NCEH1: variants seen among roughly 807,000 people sequenced by gnomAD.
The protein encoded by NCEH1 is neutral cholesterol ester hydrolase 1.
Under a neutral mutation model 25.4 loss-of-function variants are expected in NCEH1, and 9 were observed. The ratio of observed to expected loss-of-function variants is 0.35; its 90% confidence interval spans 0.21 to 0.62. The LOEUF is 0.62. NCEH1 is among the 20% of genes least tolerant of loss of function. The pLI is 0.72. For synonymous variants in NCEH1, 200 were observed against 199.8 expected, an observed-to-expected ratio of 1.00 and a Z score of -0.01; for missense variants, 412 against 501.1, an observed-to-expected ratio of 0.82 and a Z score of 1.70.
intron 1 of NCEH1, among the ~76,000 whole-genome samples, chr3:172,703,870 T>G (rs986293050): frequency 2.6e-5 from 4 of 152,226 alleles, no homozygotes; most frequent in Middle Eastern, 3.2e-3. Flanking sequence ...CTGTCAGAAC[T>G]AACACTGATT....
chr3:172,669,449 GA>G (rs1718382182), intron 1 of NCEH1, among the ~76,000 whole-genome samples: 1 of 152,182 alleles, frequency 6.6e-6, no homozygotes, highest in African/African-American at 2.4e-5. Flanking sequence ...AACTTATTAG[GA>G]AACTAGAAGG....
intron 1 of NCEH1, among the ~76,000 whole-genome samples, chr3:172,698,574 T>C (rs1008548946): frequency 6.6e-6 from 1 of 152,188 alleles, no homozygotes; most frequent in Non-Finnish European, 1.5e-5. Context: ...CAATCTCTCA[T>C]GGGGTATTTA....
chr3:172,651,030 G>A (rs1717382668), intron 1 of NCEH1, among the ~76,000 whole-genome samples: 1 of 152,120 alleles, frequency 6.6e-6, no homozygotes, highest in South Asian at 2.1e-4. Context: ...GTAACCTGTT[G>A]TTAATTACTT....
intron 1 of NCEH1, among the ~76,000 whole-genome samples, chr3:172,653,891 G>C (rs1391472584): frequency 6.6e-6 from 1 of 151,634 alleles, no homozygotes; most frequent in Non-Finnish European, 1.5e-5. Flanking sequence ...TGAGTAGCTG[G>C]GATTACAGGC....
intron 2 of NCEH1, 134 bp downstream of exon 2, chr3:172,647,752 G>T: frequency 8.1e-7 from 1 of 1,232,108 alleles, no homozygotes. Flanking sequence ...TGGGACAACA[G>T]GGGTAACTGG....
chr3:172,686,810 C>G (rs1329249927), intron 1 of NCEH1, among the ~76,000 whole-genome samples: 1 of 152,172 alleles, frequency 6.6e-6, no homozygotes, highest in Non-Finnish European at 1.5e-5. Flanking sequence ...CTCACTTTTC[C>G]TATTGTCTTT....
intron 1 of NCEH1, among the ~76,000 whole-genome samples, chr3:172,667,969 A>T (rs967137927): frequency 1.2e-4 from 19 of 152,164 alleles, no homozygotes; most frequent in Admixed American, 6.6e-5. Flanking sequence ...GATCCCCCTT[A>T]TTTGGGCCCC....
rs559318428 is a variant in NCEH1, at chr3:172,694,575, T to C, written c.138+16272A>G. Among the ~76,000 whole-genome samples the C allele has an allele frequency of 3.3e-5, 5 of 152,178 alleles. No homozygotes were observed. In the East Asian group the frequency reaches 7.7e-4, roughly 23 times the overall value. ...GTCAAAACATCAGTTTTGGAGGACA[T>C]CCTTGACATCACTCCAACAGACAGG... On this transcript the variant is annotated intron_variant, in intron 1 of 4. Coordinates refer to ENST00000475381, the MANE Select transcript of NCEH1 (RefSeq NM_020792.6).
At chr3:172,688,374 G>A (rs1042014618) in intron 1 of NCEH1, among the ~76,000 whole-genome samples, 6 of 149,828 alleles carry the variant, frequency 4.0e-5, no homozygotes, top group South Asian at 4.2e-4. Flanking sequence ...TGGAGATTAC[G>A]GAGACTCTAA....
At position 172,630,857 on chromosome 3, in the gene NCEH1, AAT is replaced by A. The variant is rs1335444166; in HGVS notation, c.*2616_*2617del. 1.3e-5 allele frequency: 2 copies of A among 152,216 alleles called. No homozygotes were observed. Among genetic ancestry groups the A allele is most frequent in the African/African-American group, 4.8e-5 (2 of 41,466 alleles). The allele number at this position is 152,216 out of a possible 1,614,324, so 9.4% of individuals were successfully genotyped here. On this transcript the variant is annotated 3_prime_UTR_variant, in exon 5 of 5. Transcript: ENST00000475381. ...AATAGATCCACCAAGATAATTATAT[AAT>A]AGTCTTAAATTCTTCACAAATCAAT...
intron 1 of NCEH1, among the ~76,000 whole-genome samples, chr3:172,657,887 C>G (rs1428903732): frequency 2.6e-5 from 4 of 152,184 alleles, no homozygotes; most frequent in Non-Finnish European, 4.4e-5. Context: ...CCAGCTCTTG[C>G]TGGGTCTCAC....
In NCEH1 at chr3:172,633,669, A is replaced by T. The variant is rs771419200; in HGVS notation, c.1033T>A (p.Cys345Ser). ...TCGTCTCTGAGGACATCATGCTCACACGTCAGAATGTAGGTCTTTGGGAGG... is the reference window on the plus strand; with the variant it reads ...TCGTCTCTGAGGACATCATGCTCACTCGTCAGAATGTAGGTCTTTGGGAGG... ...QLLPKTYILTCEHDVLRDDGI... is the reference protein window; with the variant it reads ...QLLPKTYILTSEHDVLRDDGI... Residue 345 changes from cysteine (C) to serine (S), a missense_variant, in exon 5 of 5, where the codon TGT becomes AGT. Cys to Ser is a moderately radical substitution (Grantham distance 112). Around this residue, in one of 3 missense-constraint regions of NCEH1, gnomAD observed 210 missense variants for 258.2 expected, o/e 0.81. Transcript: ENST00000475381. The T allele has an allele frequency of 1.2e-6, 2 of 1,614,180 alleles. No homozygotes were observed. Among genetic ancestry groups the T allele is most frequent in the Non-Finnish European group, 1.7e-6 (2 of 1,180,018 alleles).
At chr3:172,689,427 A>G (rs907890743) in intron 1 of NCEH1, among the ~76,000 whole-genome samples, 1 of 151,334 alleles carries the variant, frequency 6.6e-6, no homozygotes, top group Non-Finnish European at 1.5e-5. Flanking sequence ...TTGTAGTTTT[A>G]GTAGAGACAG....
chr3:172,647,483 A>G (rs1311138701), intron 2 of NCEH1, among the ~76,000 whole-genome samples: 3 of 152,240 alleles, frequency 2.0e-5, no homozygotes, highest in Admixed American at 6.5e-5. Context: ...TCAAAACACA[A>G]GTTGGCAAAA....
intron 4 of NCEH1, 112 bp from the exon 5 acceptor site, chr3:172,634,204 G>T: frequency 9.8e-7 from 1 of 1,023,226 alleles, no homozygotes; most frequent in South Asian, 1.6e-5. Flanking sequence ...TGGTATAAGT[G>T]TTACATTTCT....
chr3:172,640,487 GC>G (rs772177257), intron 3 of NCEH1, among the ~76,000 whole-genome samples: 2 of 151,800 alleles, frequency 1.3e-5, no homozygotes, highest in East Asian at 3.9e-4. Context: ...TTTCTTCCCT[GC>G]CCCCTTTATT....
At chr3:172,702,214 G>T (rs771378584) in intron 1 of NCEH1, among the ~76,000 whole-genome samples, 2 of 152,162 alleles carry the variant, frequency 1.3e-5, no homozygotes, top group Non-Finnish European at 2.9e-5. Flanking sequence ...GTCACATAAA[G>T]AACACCTGCC....
At chr3:172,698,384 G>A (rs1713494389) in intron 1 of NCEH1, among the ~76,000 whole-genome samples, 1 of 152,166 alleles carries the variant, frequency 6.6e-6, no homozygotes, top group Non-Finnish European at 1.5e-5. Flanking sequence ...CAGTGAAATG[G>A]AAGTGACTGA....
At chr3:172,709,781 A>AT (rs1035507753) in intron 1 of NCEH1, among the ~76,000 whole-genome samples, 4 of 152,014 alleles carry the variant, frequency 2.6e-5, no homozygotes, top group Non-Finnish European at 5.9e-5. Context: ...GGTTGAAATG[A>AT]TTTTTTTTCT....
Sources: allele counts gnomAD v4.1 joint callset (sites outside exome capture counted in the v4.1 genomes callset), GRCh38; gene constraint gnomAD v4.1.1; regional missense constraint gnomAD v4.1.1; transcripts MANE v1.5; gene names NCBI Gene and HGNC (gene_info 2026-07-23, HGNC 2026-07-21).